The following VOPP1 variants were observed in gnomAD, a reference collection of about 807,000 sequenced individuals.
VOPP1 encodes VOPP1 WW domain binding protein, also known as WW domain binding protein VOPP1.
A neutral mutation model predicts 23.5 loss-of-function variants in VOPP1; 8 were observed. That is an observed-to-expected ratio of 0.34 (90% confidence interval 0.20 to 0.61). VOPP1 has a LOEUF of 0.61. Ranked by LOEUF, VOPP1 falls within the 20% of genes least tolerant of loss-of-function variation. The probability of loss-of-function intolerance (pLI) is 0.78; values close to 1 mark genes in which losing one functional copy is unlikely to be tolerated. For missense variants in VOPP1, 174 were observed against 238.1 expected (o/e 0.73, Z 1.77); for synonymous variants, 83 against 97.3 (o/e 0.85, Z 0.86).
chr7:55,479,477 T>C (rs929065181), intron 4 of VOPP1, among the ~76,000 whole-genome samples: 7 of 152,200 alleles, frequency 4.6e-5, no homozygotes, highest in African/African-American at 1.7e-4. Flanking sequence ...TTCATTTTGC[T>C]AAACTGTCTC....
intron 4 of VOPP1, among the ~76,000 whole-genome samples, chr7:55,485,186 C>G (rs768609348): frequency 3.3e-5 from 5 of 152,180 alleles, no homozygotes; most frequent in Admixed American, 1.3e-4. Flanking sequence ...AAGCTCCTGG[C>G]TTTGTTTTCA....
At chr7:55,560,379 G>A (rs1797946070) in intron 1 of VOPP1, among the ~76,000 whole-genome samples, 2 of 152,144 alleles carry the variant, frequency 1.3e-5, no homozygotes, top group Non-Finnish European at 2.9e-5. Flanking sequence ...GATTATGCTG[G>A]GTAATTCAGG....
chr7:55,564,108 A>G lies in VOPP1; in HGVS notation c.54+8163T>C, dbSNP rs533925724. 3.3e-5 allele frequency among the ~76,000 whole-genome samples: 5 copies of G among 152,294 alleles called. No individual in the cohort carries two copies. In the South Asian group the frequency reaches 1.0e-3, roughly 32 times the overall value. Reference sequence around the variant, plus strand: ...TTTTACACAGCTGCCCTTAGGCTATAGGAACCTGGCTTCACAGCTTCACTC... The same window carrying G: ...TTTTACACAGCTGCCCTTAGGCTATGGGAACCTGGCTTCACAGCTTCACTC... On this transcript the variant is annotated intron_variant, in intron 1 of 4. Transcript: ENST00000285279.
chr7:55,550,649 G>A (rs1043503491), intron 1 of VOPP1, among the ~76,000 whole-genome samples: 8 of 152,120 alleles, frequency 5.3e-5, no homozygotes, highest in African/African-American at 1.9e-4. Flanking sequence ...GGGCACTCGC[G>A]AGTCCACCAT....
chr7:55,562,600 G>A (rs1464507745), intron 1 of VOPP1, among the ~76,000 whole-genome samples: 1 of 152,220 alleles, frequency 6.6e-6, no homozygotes, highest in African/African-American at 2.4e-5. Flanking sequence ...CAGCCAAGGA[G>A]CAGAGTGAGG....
chr7:55,457,839 A>G (rs757015293), intron 4 of VOPP1, among the ~76,000 whole-genome samples: 2 of 152,112 alleles, frequency 1.3e-5, no homozygotes, highest in African/African-American at 4.8e-5. Context: ...TATATTCTCA[A>G]TATTAGTCCC....
At chr7:55,552,905 A>T (rs1797669517) in intron 1 of VOPP1, 2 of 1,158,082 alleles carry the variant, frequency 1.7e-6, no homozygotes, top group Non-Finnish European at 2.3e-6. Context: ...CGAAGAAAAA[A>T]TTATACGTGC....
intron 3 of VOPP1, 111 bp from the exon 4 acceptor site, chr7:55,492,529 C>A: frequency 1.6e-6 from 2 of 1,278,366 alleles, no homozygotes; most frequent in Non-Finnish European, 2.1e-6. Context: ...CCAATGACTC[C>A]CAAATGCACG....
intron 1 of VOPP1, among the ~76,000 whole-genome samples, chr7:55,536,771 CG>C (rs1207409946): frequency 6.6e-6 from 1 of 152,168 alleles, no homozygotes; most frequent in African/African-American, 2.4e-5. Flanking sequence ...ACCACAGGGG[CG>C]GCGTGCTGAT....
intron 1 of VOPP1, among the ~76,000 whole-genome samples, chr7:55,540,336 T>G (rs1797065533): frequency 1.3e-5 from 2 of 151,632 alleles, no homozygotes; most frequent in Non-Finnish European, 2.9e-5. Flanking sequence ...AGATGGATGT[T>G]GCAGTGAGCC....
chr7:55,440,845 C>T (rs910714308), intron 4 of VOPP1, among the ~76,000 whole-genome samples: 5 of 152,134 alleles, frequency 3.3e-5, no homozygotes, highest in Admixed American at 2.0e-4. Flanking sequence ...CTTCCTGAGC[C>T]GTACTGAGTA....
chr7:55,510,082 G>T (rs1156566207), intron 2 of VOPP1, among the ~76,000 whole-genome samples: 7 of 152,160 alleles, frequency 4.6e-5, no homozygotes, highest in African/African-American at 7.2e-5. Flanking sequence ...GGGAGGAAGA[G>T]AATTTTTATT....
chr7:55,462,442 T>C (rs1174737740), intron 4 of VOPP1, among the ~76,000 whole-genome samples: 1 of 152,126 alleles, frequency 6.6e-6, no homozygotes, highest in East Asian at 1.9e-4. Context: ...ATTAAATAGG[T>C]TCTCTATGCC....
At chr7:55,452,027 C>T (rs775241290) in intron 4 of VOPP1, among the ~76,000 whole-genome samples, 24 of 152,220 alleles carry the variant, frequency 1.6e-4, no homozygotes, top group Non-Finnish European at 3.1e-4. Context: ...GCATGCGACG[C>T]TGTTTGACAG....
At chr7:55,520,248 T>A (rs1376595272) in intron 2 of VOPP1, among the ~76,000 whole-genome samples, 1 of 152,236 alleles carries the variant, frequency 6.6e-6, no homozygotes, top group Non-Finnish European at 1.5e-5. Flanking sequence ...GAATATATAG[T>A]GTTTCTGCTA....
chr7:55,459,441 A>G (rs1352585670), intron 4 of VOPP1, among the ~76,000 whole-genome samples: 3 of 152,120 alleles, frequency 2.0e-5, no homozygotes, highest in South Asian at 2.1e-4. Flanking sequence ...CAGTTTGTGA[A>G]GAATTGGTGT....
intron 4 of VOPP1, among the ~76,000 whole-genome samples, chr7:55,451,043 G>A (rs759564009): frequency 1.6e-4 from 24 of 152,228 alleles, no homozygotes; most frequent in Non-Finnish European, 2.8e-4. Context: ...GATCTTCAGG[G>A]CTGGCATCAG....
intron 1 of VOPP1, among the ~76,000 whole-genome samples, chr7:55,526,091 C>T (rs914341576): frequency 6.6e-6 from 1 of 152,208 alleles, no homozygotes; most frequent in Admixed American, 6.5e-5. Context: ...GTGTGCAGAG[C>T]AGAGACAATA....
chr7:55,476,309 C>T (rs547689583), intron 4 of VOPP1, among the ~76,000 whole-genome samples: 1 of 152,258 alleles, frequency 6.6e-6, no homozygotes, highest in East Asian at 1.9e-4. Context: ...TGTTAACTGA[C>T]AATCACCCCT....
Sources: allele counts gnomAD v4.1 joint callset (sites outside exome capture counted in the v4.1 genomes callset), GRCh38; gene constraint gnomAD v4.1.1; transcripts MANE v1.5; gene names NCBI Gene and HGNC (gene_info 2026-07-23, HGNC 2026-07-21).